Variants in ROBO2 observed in about 807,000 individuals in gnomAD.
The protein encoded by ROBO2 is roundabout guidance receptor 2.
In ROBO2, 53 loss-of-function variants were observed where a neutral mutation model predicts 160.8. The ratio of observed to expected loss-of-function variants is 0.33; its 90% confidence interval spans 0.26 to 0.41. The LOEUF is 0.41. Among genes scored for constraint, ROBO2 ranks in the 10% least tolerant of loss-of-function variants. The pLI, the probability that ROBO2 is intolerant of heterozygous loss-of-function variation, is 1.00. For synonymous variants in ROBO2, 664 were observed against 611.7 expected (o/e 1.09, Z -1.26); for missense variants, 1,577 against 1,722.4 (o/e 0.92, Z 1.49).
At chr3:76,863,116 G>A (rs1305645526) in intron 2 of ROBO2, among the ~76,000 whole-genome samples, 1 of 152,018 alleles carries the variant, frequency 6.6e-6, no homozygotes, top group Admixed American at 6.6e-5. Flanking sequence ...AATACAAACT[G>A]AACCTCATTA....
chr3:77,243,867 A>G (rs2089373030), intron 2 of ROBO2, among the ~76,000 whole-genome samples: 1 of 152,172 alleles, frequency 6.6e-6, no homozygotes, highest in Non-Finnish European at 1.5e-5. Context: ...GGTATGGGGC[A>G]TATAAGTTTC....
At chr3:76,679,126 T>G (rs557917367) in intron 2 of ROBO2, among the ~76,000 whole-genome samples, 1 of 152,272 alleles carries the variant, frequency 6.6e-6, no homozygotes, top group Non-Finnish European at 1.5e-5. Context: ...CTTCAAAAAT[T>G]TTGGCTTTTC....
intron 18 of ROBO2, among the ~76,000 whole-genome samples, chr3:77,595,818 G>A (rs376552133): frequency 1.3e-5 from 2 of 152,248 alleles, no homozygotes; most frequent in South Asian, 2.1e-4. Flanking sequence ...TCTTATTGCA[G>A]TTTCCATAGA....
At chr3:76,338,854 A>G (rs1043659648) in intron 2 of ROBO2, among the ~76,000 whole-genome samples, 9 of 151,928 alleles carry the variant, frequency 5.9e-5, no homozygotes, top group Non-Finnish European at 1.2e-4. Context: ...GATGAATGAA[A>G]TCAAATTTAA....
chr3:77,085,418 A>G (rs1424478802), intron 1 of ROBO2, among the ~76,000 whole-genome samples: 2 of 152,094 alleles, frequency 1.3e-5, no homozygotes, highest in East Asian at 3.9e-4. Flanking sequence ...TTTATGTCAC[A>G]AATCTTATCT....
At chr3:76,453,256 T>C (rs1199947635) in intron 2 of ROBO2, among the ~76,000 whole-genome samples, 1 of 152,244 alleles carries the variant, frequency 6.6e-6, no homozygotes, top group African/African-American at 2.4e-5. Flanking sequence ...TGTCCATGCC[T>C]ATGTCCTGAA....
intron 2 of ROBO2, among the ~76,000 whole-genome samples, chr3:76,678,195 T>A (rs2092463336): frequency 6.6e-6 from 1 of 152,032 alleles, no homozygotes; most frequent in African/African-American, 2.4e-5. Context: ...GGTCTCAAAC[T>A]CCTGACCTCA....
Position 76,588,993 on chromosome 3 carries a change from ACT to A in ROBO2, c.110-509016_110-509015del, listed in dbSNP as rs1301672232. 5.9e-5 allele frequency among the ~76,000 whole-genome samples: 9 copies of A among 152,172 alleles called. No individual in the cohort carries two copies. The East Asian group carries it at 1.7e-3, about 29-fold the overall frequency. On this transcript the variant is annotated intron_variant, in intron 2 of 26. Coordinates refer to the ROBO2 transcript ENST00000487694. ...ATAAATATTCTCAAAACAATAACAT[ACT>A]CTCTTGTGAACAGGTAGTTCAAGAC...
chr3:76,024,113 A>C (rs2107675473), intron 2 of ROBO2, among the ~76,000 whole-genome samples: 1 of 151,600 alleles, frequency 6.6e-6, no homozygotes, highest in African/African-American at 2.4e-5. Context: ...TGGTTGCTTA[A>C]ATGAACTACT....
intron 2 of ROBO2, among the ~76,000 whole-genome samples, chr3:76,374,546 T>TA (rs2076252117): frequency 6.6e-6 from 1 of 152,012 alleles, no homozygotes; most frequent in Admixed American, 6.6e-5. Context: ...CACATCTCTT[T>TA]ATATAAGGTT....
chr3:75,916,208 G>GAA (rs2106781734), intron 1 of ROBO2, among the ~76,000 whole-genome samples: 1 of 152,286 alleles, frequency 6.6e-6, no homozygotes, highest in East Asian at 1.9e-4. Context: ...CACTGGCCTT[G>GAA]AGAACTTTAG....
chr3:76,898,855 G>A lies in ROBO2; in HGVS notation c.110-199159G>A, dbSNP rs1177659606. Among the ~76,000 whole-genome samples, 2 of 152,076 alleles carry A rather than the reference G, an allele frequency of 1.3e-5. 1 individual carries two copies. Among genetic ancestry groups the A allele is most frequent in the East Asian group, 3.8e-4 (2 of 5,196 alleles). ...GTTAAAAATATATGTTCTATTATAT[G>A]CAGCATAGAAAGAAAAAGAGTACTT... is the stretch of plus-strand genomic sequence containing the variant. On this transcript the variant is annotated intron_variant, in intron 2 of 26. Transcript: ENST00000487694.
chr3:76,707,731 GTATA>G (rs56401900), intron 2 of ROBO2, among the ~76,000 whole-genome samples: 2,206 of 134,170 alleles, frequency 0.016, 26 homozygotes, highest in African/African-American at 0.034. Context: ...ACATGTGTGT[GTATA>G]TATATATATA....
intron 12 of ROBO2, among the ~76,000 whole-genome samples, chr3:77,565,525 A>G (rs2093454037): frequency 6.6e-6 from 1 of 152,100 alleles, no homozygotes; most frequent in Admixed American, 6.6e-5. Context: ...TTTATAGTGC[A>G]GTCGTTCTCA....
intron 2 of ROBO2, among the ~76,000 whole-genome samples, chr3:76,244,090 T>C (rs1705471108): frequency 6.6e-6 from 1 of 152,198 alleles, no homozygotes; most frequent in African/African-American, 2.4e-5. Flanking sequence ...TTATTGAATC[T>C]ACATAGAAAC....
intron 2 of ROBO2, among the ~76,000 whole-genome samples, chr3:77,231,363 CAAAAA>C (rs60535204): frequency 1.7e-5 from 1 of 59,668 alleles, no homozygotes; most frequent in Non-Finnish European, 3.0e-5. Context: ...AGACTCCATC[CAAAAA>C]AAAAAAAAAA....
chr3:77,296,741 G>A (rs1580833600), intron 2 of ROBO2, among the ~76,000 whole-genome samples: 1 of 152,104 alleles, frequency 6.6e-6, no homozygotes, highest in Non-Finnish European at 1.5e-5. Flanking sequence ...AAGGCTGAAA[G>A]GTTACTTGCT....
intron 2 of ROBO2, among the ~76,000 whole-genome samples, chr3:77,190,307 G>C (rs1457390186): frequency 6.6e-6 from 1 of 151,840 alleles, no homozygotes; most frequent in Non-Finnish European, 1.5e-5. Context: ...GTCTTGTTTT[G>C]TAGGTATTTG....
In ROBO2 at chr3:76,716,141, A is replaced by G. The variant is rs546872938; in HGVS notation, c.110-381873A>G. On this transcript the variant is annotated intron_variant, in intron 2 of 26. Coordinates refer to the ROBO2 transcript ENST00000487694. Reference sequence around the variant, plus strand: ...CAGTTTTAACATAGTTTTGCATATGATAGATGACCATAAATATATGCAGTT... The same window carrying G: ...CAGTTTTAACATAGTTTTGCATATGGTAGATGACCATAAATATATGCAGTT... 3.9e-5 allele frequency among the ~76,000 whole-genome samples: 6 copies of G among 152,336 alleles called. No homozygotes were observed. In the East Asian group the frequency reaches 1.2e-3, roughly 29 times the overall value.
Sources: gnomAD v4.1 joint callset for allele counts (sites outside exome capture counted in the v4.1 genomes callset) on GRCh38, gnomAD v4.1.1 for gene constraint, MANE v1.5 for transcripts, NCBI Gene and HGNC (gene_info 2026-07-23, HGNC 2026-07-21) for gene names.